Variants in MKKS observed in about 807,000 individuals in gnomAD.
The protein encoded by MKKS is MKKS centrosomal shuttling protein.
Under a neutral mutation model 33.2 loss-of-function variants are expected in MKKS, and 29 were observed. The ratio of observed to expected loss-of-function variants is 0.87; its 90% CI spans 0.65 to 1.19. The LOEUF is 1.19. Among genes scored for constraint, MKKS ranks in the 50% most tolerant of loss-of-function variants. MKKS has a pLI of 0.00. For missense variants in MKKS, 661 were observed against 662.3 expected (o/e 1.00, Z 0.02); for synonymous variants, 260 against 244.0 (o/e 1.07, Z -0.61).
At chr20:10,428,108 A>G (rs750962341) in intron 1 of MKKS, among the ~76,000 whole-genome samples, 1 of 152,248 alleles carries the variant, frequency 6.6e-6, no homozygotes, top group Non-Finnish European at 1.5e-5. Context: ...AGGCAGTCTC[A>G]AATATTAAGC....
chr20:10,424,818 G>A (rs1157617412), intron 1 of MKKS, among the ~76,000 whole-genome samples: 5 of 152,148 alleles, frequency 3.3e-5, no homozygotes, highest in Admixed American at 6.5e-5. Flanking sequence ...TTGGGAGGCC[G>A]AGGCAGGTGG....
chr20:10,415,496 T>C (rs1483967373), intron 2 of MKKS, among the ~76,000 whole-genome samples: 1 of 152,170 alleles, frequency 6.6e-6, no homozygotes, highest in Non-Finnish European at 1.5e-5. Context: ...TCAGCTTTCT[T>C]CCTGTGGTGA....
Position 10,401,253 on chromosome 20 carries a change from C to A in MKKS, c.*3994G>T, listed in dbSNP as rs1230625991. The A allele has an allele frequency of 6.6e-6, 1 of 152,136 alleles. No homozygotes were observed. Among genetic ancestry groups the A allele is most frequent in the Non-Finnish European group, 1.5e-5 (1 of 68,024 alleles). The allele number at this position is 152,136 out of a possible 1,614,324, so 9.4% of individuals were successfully genotyped here. On this transcript the variant is annotated 3_prime_UTR_variant, in exon 6 of 6. Coordinates refer to ENST00000347364, the MANE Select transcript of MKKS (RefSeq NM_170784.3). The stretch of plus-strand genomic sequence containing the variant: ...TATTACTATATTCTTAGTAAAGCAG[C>A]ATATAAATCTACTTATAATCCAAAA...
chr20:10,434,015 T>A (rs1204542947), intron 1 of MKKS, 93 bp downstream of exon 1: 2 of 152,316 alleles, frequency 1.3e-5, no homozygotes, highest in Non-Finnish European at 2.9e-5. Flanking sequence ...CGGTGACCTT[T>A]GGGGGTGGAG....
intron 2 of MKKS, among the ~76,000 whole-genome samples, chr20:10,415,890 G>A (rs1378289299): frequency 6.6e-6 from 1 of 151,984 alleles, no homozygotes; most frequent in Admixed American, 6.6e-5. Flanking sequence ...ACTGAAAGTG[G>A]TAGTGACTCC....
rs556478930 is a variant in MKKS at position 10,401,421 on chromosome 20, T to C, written c.*3826A>G. The C allele has an allele frequency of 1.1e-3, 172 of 152,296 alleles. No homozygotes were observed. Among genetic ancestry groups the C allele is most frequent in the African/African-American group, 4.1e-3 (169 of 41,570 alleles). The allele number at this position is 152,296 out of a possible 1,614,324, so 9.4% of individuals were successfully genotyped here. On this transcript the variant is annotated 3_prime_UTR_variant, in exon 6 of 6. Coordinates refer to ENST00000347364, the MANE Select transcript of MKKS (RefSeq NM_170784.3). Reference sequence around the variant, plus strand: ...TTATAAAGATATCAGATATTCAAAATTGACTTTTCCTTCAGATTAAGAGAT... The same window carrying C: ...TTATAAAGATATCAGATATTCAAAACTGACTTTTCCTTCAGATTAAGAGAT...
chr20:10,427,029 G>GACACACACAGACACAC (rs2065019192), intron 1 of MKKS, among the ~76,000 whole-genome samples: 1 of 130,724 alleles, frequency 7.6e-6, no homozygotes, highest in East Asian at 2.6e-4. Flanking sequence ...AGAAAACACT[G>GACACACACAGACACAC]ACACACACAC....
At chr20:10,420,196 G>A (rs1251811610) in intron 2 of MKKS, among the ~76,000 whole-genome samples, 2 of 152,042 alleles carry the variant, frequency 1.3e-5, no homozygotes, top group Non-Finnish European at 2.9e-5. Context: ...AACACTAATA[G>A]AAGAAAATAA....
rs750470997 is a variant in MKKS, at chr20:10,412,873, T to C, written c.642A>G (p.Val214=). Residue 214 remains valine (V), a synonymous_variant, in exon 3 of 6, where the codon GTA becomes GTG. Coordinates refer to ENST00000347364, the MANE Select transcript of MKKS (RefSeq NM_170784.3). The stretch of plus-strand genomic sequence containing the variant: ...ACATTTCAATGAGTATCCCAGGTAA[T>C]ACAGTGGAATCTATAACTCTTTGAC... ...LKGQRVIDST[V]LPGILIEMSE... is the part of the protein sequence containing the mutation. 1.9e-5 allele frequency: 31 copies of C among 1,614,048 alleles called. No homozygotes were observed. In the Admixed American group the frequency reaches 5.0e-4, roughly 26 times the overall value.
chr20:10,413,525 G>A lies in MKKS; in HGVS notation c.-11C>T, dbSNP rs2064913611. On this transcript the variant is annotated 5_prime_UTR_variant, in exon 3 of 6. Coordinates refer to ENST00000347364, the MANE Select transcript of MKKS (RefSeq NM_170784.3). ...TTCCAAACGAGACATCTTACTTCAG[G>A]TGGTAACTAGTGAAGACCGTTTTTA... The A allele has an allele frequency of 6.2e-7, 1 of 1,613,976 alleles. No individual in the cohort carries two copies. The highest frequency in any genetic ancestry group is 2.2e-5 in the East Asian group (1 of 44,888).
intron 1 of MKKS, among the ~76,000 whole-genome samples, chr20:10,424,463 C>T (rs1327649734): frequency 6.6e-6 from 1 of 152,016 alleles, no homozygotes. Flanking sequence ...ATTTCTTTCA[C>T]TTAATAGTGA....
intron 3 of MKKS, among the ~76,000 whole-genome samples, chr20:10,409,763 G>C (rs1344659943): frequency 1.3e-5 from 2 of 151,798 alleles, no homozygotes; most frequent in Non-Finnish European, 2.9e-5. Flanking sequence ...CTAAGGTCAG[G>C]AGTTCGAGAC....
intron 2 of MKKS, among the ~76,000 whole-genome samples, chr20:10,418,756 G>A (rs1568669480): frequency 6.6e-6 from 1 of 152,036 alleles, no homozygotes; most frequent in Non-Finnish European, 1.5e-5. Context: ...CCTCCAAACT[G>A]TTAAGACATC....
intron 3 of MKKS, among the ~76,000 whole-genome samples, chr20:10,409,691 G>A (rs1339389571): frequency 2.0e-5 from 3 of 151,866 alleles, no homozygotes; most frequent in Non-Finnish European, 4.4e-5. Flanking sequence ...CTAAAATGTC[G>A]GCCGGGTGTA....
intron 5 of MKKS, 115 bp from the exon 6 acceptor site, chr20:10,405,802 T>G: frequency 9.3e-7 from 1 of 1,079,840 alleles, no homozygotes; most frequent in Non-Finnish European, 1.4e-6. Context: ...TTACTTTCAT[T>G]TAATTTGGGG....
intron 4 of MKKS, 38 bp downstream of exon 4, chr20:10,408,590 T>A: frequency 6.2e-7 from 1 of 1,602,408 alleles, no homozygotes; most frequent in Non-Finnish European, 8.5e-7. Flanking sequence ...AATTCCTCCC[T>A]CAGCCTCTGC....
intron 1 of MKKS, among the ~76,000 whole-genome samples, chr20:10,430,038 C>CA (rs33986973): frequency 0.48 from 72,831 of 151,918 alleles, 18,327 homozygotes; most frequent in Non-Finnish European, 0.56. Flanking sequence ...AAACAAAAAA[C>CA]AAAAAAACAA....
rs1302683154 is a variant in MKKS at position 10,407,724 on chromosome 20, G to A, written c.1164C>T (p.Leu388=). 1.2e-6 allele frequency: 2 copies of A among 1,612,854 alleles called. No individual in the cohort carries two copies. The highest frequency in any genetic ancestry group is 1.7e-6 in the Non-Finnish European group (2 of 1,179,250). The change falls in exon 5 of 6, where the codon CTC becomes CTT. Residue 388 remains leucine (L), a splice_region_variant and synonymous_variant. Transcript: ENST00000347364. ...GGACATGCAGTGCCGTCTGACACGT[G>A]AGCTAAGAAAAAACCCAAATCATCA... The part of the protein sequence containing the change: ...RNDTAWDELK[L]TCQTALHVLQ...
intron 1 of MKKS, among the ~76,000 whole-genome samples, chr20:10,432,833 C>T (rs1209675363): frequency 7.2e-6 from 1 of 139,054 alleles, no homozygotes; most frequent in Non-Finnish European, 1.6e-5. Context: ...GTTTTGTACA[C>T]AACTTGCCAC....
Sources: allele counts gnomAD v4.1 joint callset (sites outside exome capture counted in the v4.1 genomes callset), GRCh38; gene constraint gnomAD v4.1.1; transcripts MANE v1.5; gene names NCBI Gene and HGNC (gene_info 2026-07-23, HGNC 2026-07-21).